Variants in SLC44A2 observed in about 807,000 individuals in gnomAD.
SLC44A2 encodes the protein solute carrier family 44 member 2 (CTL2 blood group).
In SLC44A2, 57 loss-of-function variants were observed where a neutral mutation model predicts 90.8. The observed-to-expected ratio is 0.63, with a 90% CI of 0.51 to 0.78. SLC44A2 has a LOEUF of 0.78. SLC44A2 is among the 30% of genes least tolerant of loss of function. The pLI, the probability that SLC44A2 is intolerant of heterozygous loss-of-function variation, is 0.00. For missense variants in SLC44A2, 794 were observed against 919.7 expected (o/e 0.86, Z 1.77); for synonymous variants, 355 against 360.7 (o/e 0.98, Z 0.18).
chr19:10,637,012 C>T (rs921403639), intron 16 of SLC44A2: 1 of 500,468 alleles, frequency 2.0e-6, no homozygotes, highest in Non-Finnish European at 3.6e-6. Context: ...TTGGTTATTA[C>T]CAGAGTGAAT....
At chr19:10,618,735 T>C (rs936571787) in intron 1 of SLC44A2, among the ~76,000 whole-genome samples, 2 of 151,916 alleles carry the variant, frequency 1.3e-5, no homozygotes, top group Admixed American at 6.6e-5. Flanking sequence ...CATGCTCGCC[T>C]AATTTTTTTG....
At chr19:10,629,902 C>T (rs191821221) in intron 4 of SLC44A2, among the ~76,000 whole-genome samples, 7 of 151,378 alleles carry the variant, frequency 4.6e-5, no homozygotes, top group South Asian at 2.1e-4. Flanking sequence ...TACAGGTGCC[C>T]GCCACCACAC....
chr19:10,639,278 G>T (rs1165694239), intron 20 of SLC44A2, among the ~76,000 whole-genome samples: 1 of 152,202 alleles, frequency 6.6e-6, no homozygotes, highest in Admixed American at 6.5e-5. Flanking sequence ...GTCAGGCATC[G>T]AGGTGGAGGG....
chr19:10,642,257 A>G, intron 20 of SLC44A2, 110 bp from the exon 21 acceptor site: 2 of 846,082 alleles, frequency 2.4e-6, no homozygotes, highest in African/African-American at 1.7e-5. Flanking sequence ...TAATCCAAAG[A>G]GGGTTTCTCA....
chr19:10,635,730 G>T, intron 14 of SLC44A2: 1 of 499,336 alleles, frequency 2.0e-6, no homozygotes, highest in Non-Finnish European at 3.5e-6. Context: ...AACTTGACCA[G>T]GCCTTCACCC....
At chr19:10,619,661 T>C (rs916106570) in intron 1 of SLC44A2, among the ~76,000 whole-genome samples, 1 of 151,910 alleles carries the variant, frequency 6.6e-6, no homozygotes, top group South Asian at 2.1e-4. Context: ...AGTATAAAAT[T>C]AGCAAATCTC....
chr19:10,636,750 C>A lies in SLC44A2; in HGVS notation c.1585C>A (p.Leu529Met). Residue 529 changes from leucine (L) to methionine (M), a missense_variant, in exon 16 of 22, where the codon CTG becomes ATG. Leu to Met is a conservative substitution (Grantham distance 15). Transcript: ENST00000335757. ...GATACTCGAGTACCTGGATCAGCGG[C>A]TGAAAGGTACGTCCCACCCACGGTT... ...RVILEYLDQR[L>M]KAAENKFAKC... 6.2e-7 allele frequency: 1 copy of A among 1,613,440 alleles called. No individual in the cohort carries two copies. Among genetic ancestry groups the A allele is most frequent in the Non-Finnish European group, 8.5e-7 (1 of 1,179,678 alleles).
intron 1 of SLC44A2, among the ~76,000 whole-genome samples, chr19:10,616,759 T>C (rs2066858211): frequency 6.6e-6 from 1 of 151,388 alleles, no homozygotes; most frequent in South Asian, 2.1e-4. Context: ...AAAAAAAAAA[T>C]AGAGACTGGG....
At chr19:10,617,909 G>C (rs565234411) in intron 1 of SLC44A2, among the ~76,000 whole-genome samples, 3 of 152,266 alleles carry the variant, frequency 2.0e-5, no homozygotes, top group South Asian at 4.1e-4. Flanking sequence ...GGCTTTACCG[G>C]TCTTACTGCC....
chr19:10,643,040 G>A (rs2067135456), intron 21 of SLC44A2: 1 of 1,506,996 alleles, frequency 6.6e-7, no homozygotes, highest in Non-Finnish European at 8.8e-7. Context: ...GACTGGCGTG[G>A]GGGCCAGGTT....
intron 14 of SLC44A2, chr19:10,636,069 G>A (rs917882896): frequency 1.6e-5 from 8 of 499,242 alleles, no homozygotes; most frequent in African/African-American, 3.9e-5. Context: ...GAGCCACCTC[G>A]CCCGGCCCAT....
At chr19:10,620,278 C>A (rs1358254691) in intron 1 of SLC44A2, among the ~76,000 whole-genome samples, 4 of 151,950 alleles carry the variant, frequency 2.6e-5, no homozygotes, top group Admixed American at 2.6e-4. Flanking sequence ...GTCAGCAGTT[C>A]GAGACCAGCC....
chr19:10,631,940 C>T lies in SLC44A2; in HGVS notation c.699C>T (p.Tyr233=), dbSNP rs748651892. The T allele has an allele frequency of 1.2e-6, 2 of 1,614,208 alleles. No individual in the cohort carries two copies. Among genetic ancestry groups the T allele is most frequent in the Non-Finnish European group, 1.7e-6 (2 of 1,180,040 alleles). ...TTGAAGATTACACCGTCTCTTGGTA[C>T]TGGATTATCATGTAAGTCAGGAGGG... ...RIFEDYTVSW[Y]WIIIGLVIAM... Residue 233 remains tyrosine, a synonymous_variant, in exon 9 of 22, where the codon TAC becomes TAT. Transcript: ENST00000335757.
At position 10,636,506 on chromosome 19, in the gene SLC44A2, G is replaced by T. The variant is rs748027899; in HGVS notation, c.1417G>T (p.Ala473Ser). 2 of 1,612,302 alleles carry T rather than the reference G, an allele frequency of 1.2e-6. No individual in the cohort carries two copies. Among genetic ancestry groups the T allele is most frequent in the Non-Finnish European group, 8.5e-7 (1 of 1,180,024 alleles). ...CCAGGTCACGCTGGCCGGGGCCTTTGCCTCCTACTACTGGGCCCTGCGCAA... is the reference window on the plus strand; with the variant it reads ...CCAGGTCACGCTGGCCGGGGCCTTTTCCTCCTACTACTGGGCCCTGCGCAA... ...LGQVTLAGAF[A>S]SYYWALRKPD... The change falls in exon 15 of 22, where the codon GCC (alanine) becomes TCC (serine). Residue 473 changes from alanine to serine, a missense_variant. By Grantham distance (99) the Ala-to-Ser change is moderately conservative (BLOSUM62 1). Transcript: ENST00000335757.
intron 16 of SLC44A2, 96 bp downstream of exon 16, chr19:10,636,852 G>A (rs1437375314): frequency 3.9e-6 from 5 of 1,267,458 alleles, no homozygotes; most frequent in Non-Finnish European, 5.5e-6. Context: ...GCGGGGCCAA[G>A]ATAATAGAGC....
chr19:10,639,435 G>A (rs552972806), intron 20 of SLC44A2, among the ~76,000 whole-genome samples: 2 of 68,068 alleles, frequency 2.9e-5, no homozygotes, highest in South Asian at 9.9e-4. Flanking sequence ...GGGCTGGGCA[G>A]GTGTGGGGGG....
intron 1 of SLC44A2, among the ~76,000 whole-genome samples, chr19:10,614,902 T>G (rs1241498376): frequency 7.3e-6 from 1 of 136,966 alleles, no homozygotes; most frequent in African/African-American, 2.8e-5. Context: ...ACCCGGGAGG[T>G]AGAGGTCACA....
At chr19:10,603,258 G>A (rs1918011895) in intron 1 of SLC44A2, among the ~76,000 whole-genome samples, 1 of 152,186 alleles carries the variant, frequency 6.6e-6, no homozygotes, top group African/African-American at 2.4e-5. Flanking sequence ...GATGGGCCCA[G>A]GATGTGGGCT....
At chr19:10,622,141 C>T (rs1437847671), upstream of SLC44A2, among the ~76,000 whole-genome samples, 3 of 152,176 alleles carry the variant, frequency 2.0e-5, no homozygotes, top group Non-Finnish European at 2.9e-5. Context: ...GCAGAGGGAC[C>T]GAGCAGCTAG....
Sources: gnomAD v4.1 joint callset for allele counts (sites outside exome capture counted in the v4.1 genomes callset) on GRCh38, gnomAD v4.1.1 for gene constraint, MANE v1.5 for transcripts, NCBI Gene and HGNC (gene_info 2026-07-23, HGNC 2026-07-21) for gene names.